Variants in MSRB2 observed in about 807,000 individuals in gnomAD.
The protein encoded by MSRB2 is methionine-R-sulfoxide reductase B2, mitochondrial.
In MSRB2, 17 loss-of-function variants were observed where a neutral mutation model predicts 19.0. That is an observed-to-expected ratio of 0.89 (90% confidence interval 0.61 to 1.34). MSRB2 has a LOEUF of 1.34. Ranked by LOEUF, MSRB2 falls within the 40% of genes most tolerant of loss-of-function variation. The probability of loss-of-function intolerance (pLI) is 0.00; values close to 1 mark genes in which losing one functional copy is unlikely to be tolerated. For missense variants in MSRB2, 208 were observed against 237.6 expected (o/e 0.88, Z 0.82); for synonymous variants, 107 against 99.7 (o/e 1.07, Z -0.44).
chr10:23,105,448 C>A (rs1239388506), intron 2 of MSRB2, among the ~76,000 whole-genome samples: 1 of 152,094 alleles, frequency 6.6e-6, no homozygotes, highest in Non-Finnish European at 1.5e-5. Flanking sequence ...TCATCCTCCC[C>A]CTACCCCCTG....
chr10:23,119,737 G>A (rs1284897480), intron 4 of MSRB2, among the ~76,000 whole-genome samples: 1 of 152,148 alleles, frequency 6.6e-6, no homozygotes, highest in Non-Finnish European at 1.5e-5. Flanking sequence ...TGGGATTACA[G>A]GTGCCTGCCA....
intron 3 of MSRB2, among the ~76,000 whole-genome samples, chr10:23,118,115 T>A (rs1303669659): frequency 6.6e-6 from 1 of 152,174 alleles, no homozygotes; most frequent in Non-Finnish European, 1.5e-5. Context: ...TATAATTTGT[T>A]AAATGTTGAC....
At chr10:23,115,729 CTT>C (rs1304588278) in intron 3 of MSRB2, among the ~76,000 whole-genome samples, 1 of 152,156 alleles carries the variant, frequency 6.6e-6, no homozygotes, top group Non-Finnish European at 1.5e-5. Context: ...CCAGTCTTAA[CTT>C]ATATATGTTA....
chr10:23,104,003 T>C (rs1839956692), intron 1 of MSRB2, 141 bp from the exon 2 acceptor site: 1 of 527,684 alleles, frequency 1.9e-6, no homozygotes, highest in Non-Finnish European at 3.3e-6. Flanking sequence ...CTGGTCCCCA[T>C]GAAGAATAAA....
rs1256086586 is a variant in MSRB2 at position 23,121,811 on chromosome 10, T to C, written c.*949T>C. The C allele has an allele frequency of 6.6e-6, 1 of 152,166 alleles. No homozygotes were observed. The highest frequency in any genetic ancestry group is 1.5e-5 in the Non-Finnish European group (1 of 68,024). 9.4% of individuals were successfully genotyped at this position (152,166 alleles called of 1,614,324 possible). ...ACGGAGGAGCTGTGCTCTGGGAGCA[T>C]ATATGGTGATCAATCAGATGCATGA... On this transcript the variant is annotated 3_prime_UTR_variant, in exon 5 of 5. Coordinates refer to ENST00000376510, the MANE Select transcript of MSRB2 (RefSeq NM_012228.4).
At chr10:23,102,065 TG>T (rs936641561) in intron 1 of MSRB2, among the ~76,000 whole-genome samples, 2 of 152,168 alleles carry the variant, frequency 1.3e-5, no homozygotes, top group African/African-American at 4.8e-5. Context: ...ACTGGGATTA[TG>T]GGCTATTAGG....
chr10:23,112,587 G>A (rs1053879591), intron 3 of MSRB2, among the ~76,000 whole-genome samples: 2 of 152,132 alleles, frequency 1.3e-5, no homozygotes, highest in African/African-American at 4.8e-5. Flanking sequence ...TGATGTTTTT[G>A]TTGTTTTGTT....
At chr10:23,113,726 T>C (rs955825380) in intron 3 of MSRB2, among the ~76,000 whole-genome samples, 5 of 152,114 alleles carry the variant, frequency 3.3e-5, no homozygotes, top group African/African-American at 9.7e-5. Flanking sequence ...GCTGTCCTTA[T>C]AAGAAGAAGA....
intron 2 of MSRB2, among the ~76,000 whole-genome samples, chr10:23,109,247 G>C (rs1204794082): frequency 2.0e-5 from 3 of 152,002 alleles, no homozygotes; most frequent in African/African-American, 7.3e-5. Flanking sequence ...GGGCAAAAAT[G>C]GTCTTTAAAA....
intron 2 of MSRB2, among the ~76,000 whole-genome samples, chr10:23,108,930 AGGCTCAGTAGG>A (rs533529331): frequency 1.8e-3 from 272 of 152,372 alleles, no homozygotes; most frequent in African/African-American, 6.2e-3. Context: ...CCCAGATGGT[AGGCTCAGTAGG>A]TTAATTTGAA....
At chr10:23,108,691 G>C (rs1416914960) in intron 2 of MSRB2, among the ~76,000 whole-genome samples, 1 of 151,866 alleles carries the variant, frequency 6.6e-6, no homozygotes, top group Non-Finnish European at 1.5e-5. Flanking sequence ...GGCCAGGCTG[G>C]TCTTGAACTC....
At chr10:23,117,295 G>A (rs983359025) in intron 3 of MSRB2, among the ~76,000 whole-genome samples, 5 of 152,088 alleles carry the variant, frequency 3.3e-5, no homozygotes, top group African/African-American at 1.2e-4. Flanking sequence ...ATTCCTGGGG[G>A]GGACCTTTCT....
chr10:23,106,191 A>C (rs965510332), intron 2 of MSRB2, among the ~76,000 whole-genome samples: 5 of 152,242 alleles, frequency 3.3e-5, no homozygotes, highest in East Asian at 3.8e-4. Context: ...TAATGTTATA[A>C]ATCCCTTTCC....
intron 3 of MSRB2, among the ~76,000 whole-genome samples, chr10:23,111,967 T>G (rs1840062586): frequency 6.6e-6 from 1 of 152,122 alleles, no homozygotes; most frequent in South Asian, 2.1e-4. Flanking sequence ...TAATTTAAAC[T>G]TAAAAGGCCA....
At chr10:23,110,534 G>A (rs1035240215) in intron 3 of MSRB2, among the ~76,000 whole-genome samples, 3 of 151,690 alleles carry the variant, frequency 2.0e-5, no homozygotes, top group Non-Finnish European at 1.5e-5. Context: ...CCATTAACAA[G>A]ACTTCTTAGC....
At chr10:23,111,985 C>T (rs1840062869) in intron 3 of MSRB2, among the ~76,000 whole-genome samples, 1 of 151,780 alleles carries the variant, frequency 6.6e-6, no homozygotes, top group Non-Finnish European at 1.5e-5. Context: ...CCACATGTGG[C>T]CAGAGGCTAC....
In MSRB2 at chr10:23,118,330, G is replaced by GTTTTTTTTTT. The variant is rs199691499; in HGVS notation, c.297-968_297-967insTTTTTTTTTT. Among the ~76,000 whole-genome samples the GTTTTTTTTTT allele has an allele frequency of 5.5e-4, 48 of 86,636 alleles. 2 individuals are homozygous for GTTTTTTTTTT. The highest frequency in any genetic ancestry group is 2.1e-3 in the African/African-American group (44 of 20,912). 56.8% of individuals were successfully genotyped at this position (86,636 alleles called of 152,430 possible). ...TTTGCTACTTTTTCTTCTTAGATTA[G>GTTTTTTTTTT]TTTTTTGTTTTTTTTTTTTTTTTTT... On this transcript the variant is annotated intron_variant, in intron 3 of 4. Coordinates refer to ENST00000376510, the MANE Select transcript of MSRB2 (RefSeq NM_012228.4).
chr10:23,101,727 T>C (rs923322619), intron 1 of MSRB2, among the ~76,000 whole-genome samples: 1 of 152,202 alleles, frequency 6.6e-6, no homozygotes, highest in African/African-American at 2.4e-5. Context: ...TGAGTAACTT[T>C]GAGTTTATAA....
At chr10:23,114,687 C>T (rs894575541) in intron 3 of MSRB2, among the ~76,000 whole-genome samples, 3 of 152,222 alleles carry the variant, frequency 2.0e-5, no homozygotes, top group Admixed American at 2.0e-4. Flanking sequence ...TCATGTGCAT[C>T]GTTTCGTCAG....
Sources: gnomAD v4.1 joint callset for allele counts (sites outside exome capture counted in the v4.1 genomes callset) on GRCh38, gnomAD v4.1.1 for gene constraint, MANE v1.5 for transcripts, NCBI Gene and HGNC (gene_info 2026-07-23, HGNC 2026-07-21) for gene names.